WDR70: variants seen among roughly 807,000 people sequenced by gnomAD.
WDR70 encodes WD repeat domain 70.
Under a neutral mutation model 88.6 loss-of-function variants are expected in WDR70, and 53 were observed. The observed-to-expected ratio is 0.60, with a 90% CI of 0.48 to 0.75. The LOEUF is 0.75. Among genes scored for constraint, WDR70 ranks in the 30% least tolerant of loss-of-function variants. The probability of loss-of-function intolerance (pLI) is 0.00; values close to 1 mark genes in which losing one functional copy is unlikely to be tolerated. For missense variants in WDR70, 610 were observed against 823.2 expected, an observed-to-expected ratio of 0.74 and a Z score of 3.17; for synonymous variants, 280 against 270.0, an observed-to-expected ratio of 1.04 and a Z score of -0.36.
At chr5:37,536,272 A>G (rs779697386) in intron 9 of WDR70, among the ~76,000 whole-genome samples, 74 of 152,228 alleles carry the variant, frequency 4.9e-4, no homozygotes, top group Admixed American at 1.9e-3. Flanking sequence ...GAAAATAGCC[A>G]TCAAATAAAA....
At chr5:37,659,351 G>T (rs1745637574) in intron 10 of WDR70, among the ~76,000 whole-genome samples, 1 of 151,992 alleles carries the variant, frequency 6.6e-6, no homozygotes. Context: ...CCATGTTTTT[G>T]ATATTCTTGA....
chr5:37,582,997 T>G (rs1211055163), intron 9 of WDR70, among the ~76,000 whole-genome samples: 1 of 152,252 alleles, frequency 6.6e-6, no homozygotes, highest in East Asian at 1.9e-4. Flanking sequence ...ATAGCCTCTG[T>G]GCAAAGTTTT....
chr5:37,593,717 A>G (rs1743609303), intron 9 of WDR70, among the ~76,000 whole-genome samples: 1 of 152,220 alleles, frequency 6.6e-6, no homozygotes, highest in Non-Finnish European at 1.5e-5. Context: ...TCCTTGAGGA[A>G]TCGCCACACT....
At chr5:37,400,370 A>G (rs1749154258) in intron 5 of WDR70, among the ~76,000 whole-genome samples, 1 of 152,250 alleles carries the variant, frequency 6.6e-6, no homozygotes, top group Admixed American at 6.5e-5. Context: ...TATAATTGCC[A>G]TCACCAGGTG....
At chr5:37,647,380 AGTTT>A (rs1379727083) in intron 10 of WDR70, among the ~76,000 whole-genome samples, 1 of 151,998 alleles carries the variant, frequency 6.6e-6, no homozygotes, top group Admixed American at 6.5e-5. Context: ...TGCCTTACTT[AGTTT>A]GTTTGGTAAG....
At chr5:37,543,544 A>G (rs1457527483) in intron 9 of WDR70, among the ~76,000 whole-genome samples, 38 of 152,220 alleles carry the variant, frequency 2.5e-4, no homozygotes, top group East Asian at 1.9e-4. Context: ...GAATACAGAT[A>G]TGATGAACTG....
chr5:37,551,727 CA>C (rs111767188), intron 9 of WDR70, among the ~76,000 whole-genome samples: 6,095 of 97,212 alleles, frequency 0.063, 434 homozygotes, highest in African/African-American at 0.18. Flanking sequence ...GACTCTTTCT[CA>C]AAAAAAAAAA....
chr5:37,418,020 C>A (rs913566937), intron 5 of WDR70, among the ~76,000 whole-genome samples: 2 of 152,122 alleles, frequency 1.3e-5, no homozygotes, highest in Non-Finnish European at 2.9e-5. Flanking sequence ...AAGTGAGGAA[C>A]TGGTTGAACT....
intron 5 of WDR70, among the ~76,000 whole-genome samples, chr5:37,425,377 A>G (rs959115642): frequency 3.3e-5 from 5 of 152,262 alleles, no homozygotes; most frequent in Non-Finnish European, 7.3e-5. Flanking sequence ...AATTTAAAAT[A>G]GGGCGGTCAA....
At chr5:37,713,439 G>T (rs1747571743) in intron 13 of WDR70, among the ~76,000 whole-genome samples, 1 of 151,824 alleles carries the variant, frequency 6.6e-6, no homozygotes, top group African/African-American at 2.4e-5. Context: ...GATTAAACAG[G>T]AACTTTTTTC....
At chr5:37,516,159 A>T (rs1035701215) in intron 8 of WDR70, among the ~76,000 whole-genome samples, 2 of 152,186 alleles carry the variant, frequency 1.3e-5, no homozygotes, top group African/African-American at 4.8e-5. Context: ...GAAAGGAGTT[A>T]TGATCTTTGA....
chr5:37,452,149 T>C (rs925233080), intron 7 of WDR70, among the ~76,000 whole-genome samples: 2 of 152,230 alleles, frequency 1.3e-5, no homozygotes, highest in Non-Finnish European at 2.9e-5. Context: ...GCTGCTTGTG[T>C]TTTGCCAATT....
chr5:37,630,643 G>A (rs1581449481), intron 10 of WDR70, among the ~76,000 whole-genome samples: 1 of 152,136 alleles, frequency 6.6e-6, no homozygotes, highest in Non-Finnish European at 1.5e-5. Flanking sequence ...TTGGTTACCT[G>A]CTGTGTAGGA....
At chr5:37,657,307 T>C (rs1480088597) in intron 10 of WDR70, among the ~76,000 whole-genome samples, 1 of 152,104 alleles carries the variant, frequency 6.6e-6, no homozygotes, top group African/African-American at 2.4e-5. Context: ...CTGCTCGCCC[T>C]CGTGGGCTGT....
At position 37,618,437 on chromosome 5, in the gene WDR70, C is replaced by T. The variant is rs571698820; in HGVS notation, c.1092+13199C>T. The stretch of plus-strand genomic sequence containing the variant: ...AGGCTGGAGTGCAGTGGCTCAGTTT[C>T]GGTTCACTGCAACCTCCGCCTCTGG... On this transcript the variant is annotated intron_variant, in intron 10 of 17. Coordinates refer to ENST00000265107, the MANE Select transcript of WDR70 (RefSeq NM_018034.4). 1.2e-4 allele frequency among the ~76,000 whole-genome samples: 18 copies of T among 152,244 alleles called. No homozygotes were observed. The East Asian group carries it at 2.3e-3, about 20-fold the overall frequency.
rs1561856880 is a variant in WDR70 at position 37,449,606 on chromosome 5, AAAAATAAAAAAT to A, written c.686+6238_686+6249del. On this transcript the variant is annotated intron_variant, in intron 7 of 17. Coordinates refer to ENST00000265107, the MANE Select transcript of WDR70 (RefSeq NM_018034.4). ...ATTTTGTCTCAAAAAAAAAAAAATAAAAAATAAAAAATAAATAAATAAATAAATAAAATCAAA... is the reference window on the plus strand; with the variant it reads ...ATTTTGTCTCAAAAAAAAAAAAATAAAAATAAATAAATAAATAAAATCAAA... 3.3e-4 allele frequency among the ~76,000 whole-genome samples: 16 copies of A among 49,176 alleles called. 1 individual carries two copies. The highest frequency in any genetic ancestry group is 6.2e-4 in the African/African-American group (12 of 19,338). 32.3% of individuals were successfully genotyped at this position (49,176 alleles called of 152,430 possible). A position where few individuals can be genotyped will look rare whatever the true frequency, so the allele number is the denominator to read the frequency against.
Position 37,726,932 on chromosome 5 carries a change from T to C in WDR70, c.1764T>C (p.Ile588=), listed in dbSNP as rs1276352551. 2 of 1,609,982 alleles carry C rather than the reference T, an allele frequency of 1.2e-6. No homozygotes were observed. Among genetic ancestry groups the C allele is most frequent in the East Asian group, 2.2e-5 (1 of 44,844 alleles). The change falls in exon 17 of 18, where the codon ATT becomes ATC. Residue 588 remains isoleucine, a synonymous_variant. Transcript: ENST00000265107. ...ACGGGGGCACTCTCTCTTCCTATAT[T>C]GTGAAGAACATTGCTTTGGACAAGA... The part of the protein sequence containing the change: ...GTHGGTLSSY[I]VKNIALDKTD...
intron 9 of WDR70, among the ~76,000 whole-genome samples, chr5:37,544,519 G>A (rs965355779): frequency 1.3e-5 from 2 of 152,138 alleles, no homozygotes; most frequent in African/African-American, 2.4e-5. Flanking sequence ...AGCTTCTAAA[G>A]ATGAATTATA....
intron 9 of WDR70, among the ~76,000 whole-genome samples, chr5:37,564,477 G>A (rs1742671934): frequency 1.3e-5 from 2 of 152,126 alleles, no homozygotes; most frequent in African/African-American, 4.8e-5. Context: ...GATGGCAGCA[G>A]TACAGTCCAG....
Sources: gnomAD v4.1 joint callset for allele counts (sites outside exome capture counted in the v4.1 genomes callset) on GRCh38, gnomAD v4.1.1 for gene constraint, MANE v1.5 for transcripts, NCBI Gene and HGNC (gene_info 2026-07-23, HGNC 2026-07-21) for gene names.